The following DOCK2 variants were observed in gnomAD, a reference collection of about 807,000 sequenced individuals.
The protein encoded by DOCK2 is dedicator of cytokinesis protein 2.
In DOCK2, 87 loss-of-function variants were observed where a neutral mutation model predicts 248.9. That is an observed-to-expected ratio of 0.35 (90% CI 0.29 to 0.42). The LOEUF (loss-of-function observed/expected upper bound fraction) is 0.42. DOCK2 is among the 10% of genes least tolerant of loss of function. The pLI is 1.00. For missense variants in DOCK2, 1,747 were observed against 2,300.2 expected, an observed-to-expected ratio of 0.76 and a Z score of 4.92; for synonymous variants, 805 against 821.6, an observed-to-expected ratio of 0.98 and a Z score of 0.35.
chr5:170,028,640 A>T (rs1323265779), intron 34 of DOCK2: 1 of 152,932 alleles, frequency 6.5e-6, no homozygotes, highest in Non-Finnish European at 1.5e-5. Context: ...ATTGACTCTT[A>T]GTATGTTCAC....
At chr5:169,993,549 T>TTGTGTG (rs10626609) in intron 29 of DOCK2, among the ~76,000 whole-genome samples, 3,150 of 149,460 alleles carry the variant, frequency 0.021, 65 homozygotes, top group African/African-American at 0.049. Context: ...TCACATCCAT[T>TTGTGTG]TGTGTGTGTG....
At chr5:169,930,424 A>G (rs1775695284) in intron 27 of DOCK2, among the ~76,000 whole-genome samples, 1 of 152,146 alleles carries the variant, frequency 6.6e-6, no homozygotes, top group East Asian at 1.9e-4. Flanking sequence ...TCTTAGGGTA[A>G]TGTGTGTCCT....
chr5:169,792,679 T>C (rs977001083), intron 25 of DOCK2, among the ~76,000 whole-genome samples: 1 of 152,160 alleles, frequency 6.6e-6, no homozygotes, highest in African/African-American at 2.4e-5. Flanking sequence ...AGAAGCTTTT[T>C]TATTTGCTGC....
At chr5:170,038,556 C>G (rs1756399690) in intron 36 of DOCK2, among the ~76,000 whole-genome samples, 1 of 152,222 alleles carries the variant, frequency 6.6e-6, no homozygotes, top group African/African-American at 2.4e-5. Flanking sequence ...TCGTCCTATT[C>G]TGACGACTGT....
intron 9 of DOCK2, among the ~76,000 whole-genome samples, chr5:169,691,389 T>C (rs1760291162): frequency 2.0e-5 from 3 of 152,180 alleles, no homozygotes; most frequent in South Asian, 4.1e-4. Flanking sequence ...AGGAAGGTGA[T>C]GGTGCTCTCA....
intron 25 of DOCK2, among the ~76,000 whole-genome samples, chr5:169,775,665 T>A (rs2113784480): frequency 6.6e-6 from 1 of 152,258 alleles, no homozygotes; most frequent in Non-Finnish European, 1.5e-5. Flanking sequence ...TTATTATGTT[T>A]ATAAATAACC....
At chr5:170,001,418 A>G (rs867996201) in intron 30 of DOCK2, among the ~76,000 whole-genome samples, 7 of 152,318 alleles carry the variant, frequency 4.6e-5, no homozygotes, top group South Asian at 2.1e-4. Flanking sequence ...AAGGACACTG[A>G]GAAAGGAGAA....
rs570534900 is a variant in DOCK2 at position 170,012,455 on chromosome 5, ATCT to A, written c.3232+3716_3232+3718del. On this transcript the variant is annotated intron_variant, in intron 32 of 51. Coordinates refer to ENST00000520908, the MANE Select transcript of DOCK2 (RefSeq NM_004946.3). ...CATCATCACCATCATCAGTATCATCATCTTCTTCTCATCAAGAACAACTTGAGC... is the reference window on the plus strand; with the variant it reads ...CATCATCACCATCATCAGTATCATCATCTTCTCATCAAGAACAACTTGAGC... Among the ~76,000 whole-genome samples, 11 of 152,354 alleles carry A rather than the reference ATCT, an allele frequency of 7.2e-5. No individual in the cohort carries two copies. In the East Asian group the frequency reaches 1.9e-3, roughly 27 times the overall value.
chr5:169,997,936 AT>A (rs766936394), intron 30 of DOCK2: 1 of 456,360 alleles, frequency 2.2e-6, no homozygotes. Flanking sequence ...CAAGTGAGTC[AT>A]CTGTAAAATG....
At chr5:169,968,531 C>A (rs778395574) in intron 27 of DOCK2, among the ~76,000 whole-genome samples, 1 of 152,142 alleles carries the variant, frequency 6.6e-6, no homozygotes, top group Non-Finnish European at 1.5e-5. Flanking sequence ...TCAGGGGGCC[C>A]AAGTGTTCTT....
chr5:170,068,490 G>A (rs1296569397), intron 45 of DOCK2, among the ~76,000 whole-genome samples: 1 of 152,158 alleles, frequency 6.6e-6, no homozygotes, highest in East Asian at 1.9e-4. Context: ...AGTATAATTT[G>A]GGGACAATAA....
chr5:169,766,854 A>G (rs1581160952), intron 25 of DOCK2, among the ~76,000 whole-genome samples: 1 of 151,752 alleles, frequency 6.6e-6, no homozygotes, highest in Admixed American at 6.6e-5. Context: ...TGAAACCCCC[A>G]CCTCCTGGGT....
intron 1 of DOCK2, among the ~76,000 whole-genome samples, chr5:169,645,671 G>A (rs959584728): frequency 6.6e-6 from 1 of 152,150 alleles, no homozygotes; most frequent in African/African-American, 2.4e-5. Context: ...TGCTTTTGGT[G>A]TTTTTGTCAT....
At chr5:169,725,588 A>G (rs1025406613) in intron 22 of DOCK2, among the ~76,000 whole-genome samples, 5 of 152,012 alleles carry the variant, frequency 3.3e-5, no homozygotes, top group African/African-American at 1.2e-4. Context: ...TACATGTGCC[A>G]TGTTGGTTTG....
intron 27 of DOCK2, among the ~76,000 whole-genome samples, chr5:169,865,475 G>A (rs1771488064): frequency 6.6e-6 from 1 of 152,110 alleles, no homozygotes; most frequent in Admixed American, 6.5e-5. Flanking sequence ...AGAGAGCCGG[G>A]GCAGAAAAAA....
At chr5:169,672,237 A>G (rs927416289) in intron 5 of DOCK2, among the ~76,000 whole-genome samples, 2 of 151,968 alleles carry the variant, frequency 1.3e-5, no homozygotes, top group Non-Finnish European at 2.9e-5. Flanking sequence ...TGAACTCCTG[A>G]CCTCAAGTGA....
At chr5:169,659,432 G>A (rs1581401202) in intron 2 of DOCK2, among the ~76,000 whole-genome samples, 5 of 152,252 alleles carry the variant, frequency 3.3e-5, no homozygotes, top group Admixed American at 3.3e-4. Flanking sequence ...CTATTATGTA[G>A]TGCTGTACTG....
chr5:169,722,547 C>T (rs17071623), intron 22 of DOCK2, among the ~76,000 whole-genome samples: 5,942 of 152,284 alleles, frequency 0.039, 151 homozygotes, highest in African/African-American at 0.066. Context: ...AGTGGTATCT[C>T]TGCCTCTATA....
intron 9 of DOCK2, 87 bp downstream of exon 9, chr5:169,689,420 A>C: frequency 1.4e-6 from 2 of 1,398,122 alleles, no homozygotes. Context: ...GCTCAGGGTG[A>C]AGTGTGGCTG....
Sources: gnomAD v4.1 joint callset for allele counts (sites outside exome capture counted in the v4.1 genomes callset) on GRCh38, gnomAD v4.1.1 for gene constraint, MANE v1.5 for transcripts, NCBI Gene and HGNC (gene_info 2026-07-23, HGNC 2026-07-21) for gene names.